Variants in MAPK10 observed in about 807,000 individuals in gnomAD.
The protein encoded by MAPK10 is JNK3 alpha protein kinase.
Under a neutral mutation model 59.3 loss-of-function variants are expected in MAPK10, and 25 were observed. The observed-to-expected ratio is 0.42, with a 90% CI of 0.31 to 0.59. The LOEUF is 0.59. Ranked by LOEUF, MAPK10 falls within the 20% of genes least tolerant of loss-of-function variation. The pLI is 0.15. For missense variants in MAPK10, 351 were observed against 568.9 expected, an observed-to-expected ratio of 0.62 and a Z score of 3.90; for synonymous variants, 190 against 200.5, an observed-to-expected ratio of 0.95 and a Z score of 0.44.
chr4:86,168,121 C>A (rs772559472), intron 3 of MAPK10, among the ~76,000 whole-genome samples: 1 of 152,200 alleles, frequency 6.6e-6, no homozygotes, highest in South Asian at 2.1e-4. Context: ...TCTACAGCTC[C>A]CAGTCTGAGC....
At chr4:86,323,583 T>C (rs946217510) in intron 2 of MAPK10, among the ~76,000 whole-genome samples, 3 of 152,172 alleles carry the variant, frequency 2.0e-5, no homozygotes, top group Non-Finnish European at 4.4e-5. Flanking sequence ...CAGCAGTCTA[T>C]ACAAAATCTA....
chr4:86,441,052 GTAGAT>G (rs992880738), intron 1 of MAPK10, among the ~76,000 whole-genome samples: 34 of 152,278 alleles, frequency 2.2e-4, no homozygotes, highest in Admixed American at 2.2e-3. Flanking sequence ...TGTGTTTGGT[GTAGAT>G]TAAAGATTTC....
chr4:86,145,215 A>ATTTGATGATTTTAGAAAATTAGTGAT (rs1581231448), intron 4 of MAPK10, among the ~76,000 whole-genome samples: 2 of 141,050 alleles, frequency 1.4e-5, no homozygotes, highest in Admixed American at 6.9e-5. Context: ...TTCTATCTCT[A>ATTTGATGATTTTAGAAAATTAGTGAT]GCCGGGCGTG....
chr4:86,271,804 C>A (rs1429333187), intron 2 of MAPK10, among the ~76,000 whole-genome samples: 1 of 152,028 alleles, frequency 6.6e-6, no homozygotes, highest in Non-Finnish European at 1.5e-5. Flanking sequence ...TGAGAACTCA[C>A]TCACTATCAT....
chr4:86,053,238 C>T (rs1010978127), intron 11 of MAPK10, among the ~76,000 whole-genome samples: 3 of 152,124 alleles, frequency 2.0e-5, no homozygotes, highest in African/African-American at 7.2e-5. Flanking sequence ...ACAATATTAC[C>T]TCTGCAGAGC....
At chr4:86,185,972 T>C (rs1242897203) in intron 3 of MAPK10, among the ~76,000 whole-genome samples, 3 of 152,028 alleles carry the variant, frequency 2.0e-5, no homozygotes, top group Non-Finnish European at 2.9e-5. Context: ...AGGAAAATGT[T>C]TGGGTTGGAG....
chr4:86,116,869 A>G (rs1323783210), intron 4 of MAPK10, among the ~76,000 whole-genome samples: 3 of 152,258 alleles, frequency 2.0e-5, no homozygotes, highest in Non-Finnish European at 4.4e-5. Flanking sequence ...CACTGAGTAA[A>G]TGATGGCTAT....
At chr4:86,295,462 G>A (rs1336729611) in intron 2 of MAPK10, among the ~76,000 whole-genome samples, 1 of 151,858 alleles carries the variant, frequency 6.6e-6, no homozygotes, top group Non-Finnish European at 1.5e-5. Context: ...TTTTTTGTCA[G>A]CGTCCCTTCC....
intron 4 of MAPK10, among the ~76,000 whole-genome samples, chr4:86,118,139 TTTCCCA>T (rs1188435297): frequency 6.6e-6 from 1 of 152,216 alleles, no homozygotes; most frequent in Non-Finnish European, 1.5e-5. Context: ...CACTACAATC[TTTCCCA>T]TTTTCTGTAA....
intron 2 of MAPK10, among the ~76,000 whole-genome samples, chr4:86,347,285 T>C (rs1332065446): frequency 6.6e-6 from 1 of 152,228 alleles, no homozygotes; most frequent in African/African-American, 2.4e-5. Context: ...TTGATTTTAA[T>C]ACTAGTTCCT....
Position 86,294,815 on chromosome 4 carries a change from C to T in MAPK10, c.-7+59715G>A, listed in dbSNP as rs1006063632. On this transcript the variant is annotated intron_variant, in intron 2 of 13. Transcript: ENST00000641462. ...GAGACAGCCTGAAGAGAAAGAGCTC[C>T]GGAAACCTGGATAGAAACCTCTTCG... is the stretch of plus-strand genomic sequence containing the variant. Among the ~76,000 whole-genome samples the T allele has an allele frequency of 1.1e-4, 17 of 152,122 alleles. No homozygotes were observed. In the South Asian group the frequency reaches 2.5e-3, roughly 22 times the overall value.
rs546945002 is a variant in MAPK10, at chr4:86,134,894, T to C, written c.236+24404A>G. On this transcript the variant is annotated intron_variant, in intron 4 of 13. Transcript: ENST00000641462. ...TCGGGAAGTGCAAGGGGTCAGGGAG[T>C]TCCCTTTCCTAGTCAAAGAAAGGGG... Among the ~76,000 whole-genome samples, 93 of 152,110 alleles carry C rather than the reference T, an allele frequency of 6.1e-4. 1 individual carries two copies. In the South Asian group the frequency reaches 0.018, roughly 30 times the overall value.
chr4:86,414,054 G>T (rs1045280087), intron 1 of MAPK10, among the ~76,000 whole-genome samples: 1 of 151,288 alleles, frequency 6.6e-6, no homozygotes, highest in Non-Finnish European at 1.5e-5. Flanking sequence ...CCTTATAAGC[G>T]ACCCCGCATA....
At chr4:86,162,431 G>A (rs1395206036) in intron 3 of MAPK10, among the ~76,000 whole-genome samples, 1 of 151,916 alleles carries the variant, frequency 6.6e-6, no homozygotes, top group African/African-American at 2.4e-5. Context: ...AATAACAAAG[G>A]TAATGCCAGT....
intron 4 of MAPK10, among the ~76,000 whole-genome samples, chr4:86,130,203 C>T (rs1325704953): frequency 1.3e-5 from 2 of 152,126 alleles, no homozygotes; most frequent in African/African-American, 2.4e-5. Context: ...GCTATCTCTT[C>T]ATTTATTCAA....
chr4:86,515,882 GTTGT>G (rs1225616416), intron 1 of MAPK10, among the ~76,000 whole-genome samples: 5 of 129,220 alleles, frequency 3.9e-5, no homozygotes, highest in East Asian at 2.2e-4. Context: ...GTTTTTTGTT[GTTGT>G]TTTTTTTTTG....
At chr4:86,042,122 A>G (rs2041662557) in intron 11 of MAPK10, among the ~76,000 whole-genome samples, 1 of 152,256 alleles carries the variant, frequency 6.6e-6, no homozygotes, top group Admixed American at 6.5e-5. Flanking sequence ...TACACCTTGG[A>G]ATACTATGCA....
intron 9 of MAPK10, among the ~76,000 whole-genome samples, chr4:86,074,375 A>G (rs566795509): frequency 6.7e-6 from 1 of 150,276 alleles, no homozygotes; most frequent in African/African-American, 2.5e-5. Context: ...TTTTAATTGG[A>G]GCATTTAGTC....
intron 2 of MAPK10, among the ~76,000 whole-genome samples, chr4:86,330,109 G>A (rs2096118953): frequency 6.6e-6 from 1 of 152,162 alleles, no homozygotes; most frequent in South Asian, 2.1e-4. Context: ...GCATGTGTGA[G>A]AAGTCACATA....
Sources: gnomAD v4.1 joint callset for allele counts (sites outside exome capture counted in the v4.1 genomes callset) on GRCh38, gnomAD v4.1.1 for gene constraint, MANE v1.5 for transcripts, NCBI Gene and HGNC (gene_info 2026-07-23, HGNC 2026-07-21) for gene names.